The following CFAP36 variants were observed in gnomAD, a reference collection of about 807,000 sequenced individuals.
CFAP36 encodes cilia- and flagella-associated protein 36.
A neutral mutation model predicts 50.5 loss-of-function variants in CFAP36; 37 were observed. The ratio of observed to expected loss-of-function variants is 0.73; its 90% CI spans 0.56 to 0.96. CFAP36 has a LOEUF of 0.96. Among genes scored for constraint, CFAP36 ranks in the 50% least tolerant of loss-of-function variants. The pLI is 0.00. For missense variants in CFAP36, 407 were observed against 396.2 expected (o/e 1.03, Z -0.23); for synonymous variants, 138 against 128.2 (o/e 1.08, Z -0.52).
At chr2:55,544,766 A>G in intron 9 of CFAP36, 141 bp from the exon 10 acceptor site, 1 of 618,464 alleles carries the variant, frequency 1.6e-6, no homozygotes, top group East Asian at 2.8e-5. Flanking sequence ...GAAGAGATTT[A>G]GGAAACCTAG....
chr2:55,536,638 G>C (rs1257151137), intron 6 of CFAP36, among the ~76,000 whole-genome samples: 1 of 152,056 alleles, frequency 6.6e-6, no homozygotes, highest in Non-Finnish European at 1.5e-5. Context: ...TTTCAGTAGA[G>C]ACAGGGTTTC....
At chr2:55,530,590 C>G (rs1029672092) in intron 4 of CFAP36, among the ~76,000 whole-genome samples, 1 of 152,214 alleles carries the variant, frequency 6.6e-6, no homozygotes, top group Admixed American at 6.5e-5. Context: ...TTCTCTCTAG[C>G]TCTTCCTGCT....
At position 55,519,720 on chromosome 2, in the gene CFAP36, C is replaced by T. The variant is rs967125709; in HGVS notation, c.-82C>T. Reference sequence around the variant, plus strand: ...CGGGCCAGCTCTTCCCCTACTCCCTCTCGGCTCCTTGTGGCCCAAAGGCCT... The same window carrying T: ...CGGGCCAGCTCTTCCCCTACTCCCTTTCGGCTCCTTGTGGCCCAAAGGCCT... On this transcript the variant is annotated 5_prime_UTR_variant, in exon 1 of 10. Transcript: ENST00000349456. 4 of 1,390,064 alleles carry T rather than the reference C, an allele frequency of 2.9e-6. No individual in the cohort carries two copies. The highest frequency in any genetic ancestry group is 4.1e-6 in the Non-Finnish European group (4 of 983,130). The allele number at this position is 1,390,064 out of a possible 1,614,324, so 86.1% of individuals were successfully genotyped here.
At chr2:55,539,058 T>A in intron 7 of CFAP36, 2 of 521,362 alleles carry the variant, frequency 3.8e-6, no homozygotes, top group Middle Eastern at 1.3e-3. Context: ...GCCTCTCCCA[T>A]TATCGACCCC....
intron 1 of CFAP36, chr2:55,520,373 A>G (rs1684029860): frequency 6.6e-7 from 1 of 1,516,344 alleles, no homozygotes; most frequent in African/African-American, 1.4e-5. Flanking sequence ...TCAGCTTAGG[A>G]AATGAGAAAT....
At chr2:55,520,444 C>T in intron 1 of CFAP36, 1 of 1,548,586 alleles carries the variant, frequency 6.5e-7, no homozygotes, top group East Asian at 2.5e-5. Context: ...CCAGGAAGCC[C>T]AGAGCCGGTG....
At chr2:55,535,788 G>T in intron 6 of CFAP36, 25 bp downstream of exon 6, 1 of 1,544,270 alleles carries the variant, frequency 6.5e-7, no homozygotes, top group Non-Finnish European at 8.7e-7. Context: ...TATAACAGAA[G>T]TATTTTATTG....
At chr2:55,532,642 G>T (rs900215614) in intron 4 of CFAP36, among the ~76,000 whole-genome samples, 1 of 152,142 alleles carries the variant, frequency 6.6e-6, no homozygotes, top group African/African-American at 2.4e-5. Flanking sequence ...GTATATAGCA[G>T]ATTTCTGCAT....
chr2:55,526,248 C>T (rs1684204548), intron 3 of CFAP36, among the ~76,000 whole-genome samples: 1 of 152,146 alleles, frequency 6.6e-6, no homozygotes, highest in South Asian at 2.1e-4. Flanking sequence ...ATTTGCATTC[C>T]CTGCTGGTAG....
chr2:55,532,194 C>A (rs1026745079), intron 4 of CFAP36, among the ~76,000 whole-genome samples: 1 of 150,610 alleles, frequency 6.6e-6, no homozygotes, highest in Non-Finnish European at 1.5e-5. Flanking sequence ...AGAGCAAGAC[C>A]CTGTCTCAAA....
rs376731035 is a variant in CFAP36 at position 55,539,403 on chromosome 2, T to TAGTAATA, written c.640+1820_640+1826dup. The stretch of plus-strand genomic sequence containing the variant: ...CCTTTTCAGATTGGCTTCTTTCACT[T>TAGTAATA]AGTAATAATCCATTTAAGATTTCTC... On this transcript the variant is annotated intron_variant, in intron 7 of 9. Transcript: ENST00000349456. 4 of 152,364 alleles carry TAGTAATA rather than the reference T, an allele frequency of 2.6e-5. No homozygotes were observed. The East Asian group carries it at 7.7e-4, about 29-fold the overall frequency. The allele number at this position is 152,364 out of a possible 1,614,324, so 9.4% of individuals were successfully genotyped here.
chr2:55,535,926 G>A (rs1684471664), intron 6 of CFAP36, 163 bp downstream of exon 6: 3 of 1,334,236 alleles, frequency 2.2e-6, no homozygotes, highest in Non-Finnish European at 2.9e-6. Context: ...TTCTATGTAT[G>A]TCGTGCATTA....
At chr2:55,541,853 T>C (rs1351841564) in intron 7 of CFAP36, among the ~76,000 whole-genome samples, 1 of 126,578 alleles carries the variant, frequency 7.9e-6, no homozygotes, top group African/African-American at 3.0e-5. Context: ...TTTCGTACTC[T>C]TTATGAAGTT....
intron 3 of CFAP36, among the ~76,000 whole-genome samples, chr2:55,524,832 T>A (rs2103635692): frequency 6.6e-6 from 1 of 151,766 alleles, no homozygotes; most frequent in Middle Eastern, 3.4e-3. Context: ...ACATACAAAA[T>A]TAGCTGGGCA....
intron 7 of CFAP36, among the ~76,000 whole-genome samples, chr2:55,543,685 C>T (rs774337264): frequency 5.9e-5 from 9 of 152,040 alleles, no homozygotes; most frequent in Non-Finnish European, 1.0e-4. Flanking sequence ...TAGTACTGTA[C>T]AAACAGCAGA....
chr2:55,538,933 G>A (rs1415982910), intron 7 of CFAP36: 3 of 1,426,616 alleles, frequency 2.1e-6, no homozygotes, highest in Non-Finnish European at 2.8e-6. Flanking sequence ...TTTAATGTAA[G>A]TTGGAGAACA....
At chr2:55,528,842 T>G in intron 3 of CFAP36, 36 bp from the exon 4 acceptor site, 1 of 1,347,896 alleles carries the variant, frequency 7.4e-7, no homozygotes, top group Non-Finnish European at 1.0e-6. Context: ...GTTTTAAAAC[T>G]TGAATCTTCA....
intron 1 of CFAP36, among the ~76,000 whole-genome samples, 165 bp from the exon 2 acceptor site, chr2:55,521,937 T>C (rs1684079095): frequency 6.6e-6 from 1 of 152,136 alleles, no homozygotes; most frequent in Non-Finnish European, 1.5e-5. Flanking sequence ...GCCAATAGTA[T>C]ATATTTTTAG....
At chr2:55,543,894 T>A (rs539504950) in intron 7 of CFAP36, 44 bp from the exon 8 acceptor site, 1 of 1,544,936 alleles carries the variant, frequency 6.5e-7, no homozygotes, top group African/African-American at 1.4e-5. Flanking sequence ...CTTAAAATAT[T>A]TCTCATAATA....
Sources: allele counts gnomAD v4.1 joint callset (sites outside exome capture counted in the v4.1 genomes callset), GRCh38; gene constraint gnomAD v4.1.1; transcripts MANE v1.5; gene names NCBI Gene and HGNC (gene_info 2026-07-23, HGNC 2026-07-21).